The following DOCK3 variants were observed in gnomAD, a reference collection of about 807,000 sequenced individuals.
The protein encoded by DOCK3 is dedicator of cytokinesis 3.
DOCK3 carries 60 observed loss-of-function variants against 265.6 expected under a neutral mutation model. The observed-to-expected ratio is 0.23, with a 90% CI of 0.18 to 0.28. The LOEUF is 0.28. Ranked by LOEUF, DOCK3 falls within the 10% of genes least tolerant of loss-of-function variation. The pLI, the probability that DOCK3 is intolerant of heterozygous loss-of-function variation, is 1.00. For synonymous variants in DOCK3, 881 were observed against 938.0 expected, an observed-to-expected ratio of 0.94 and a Z score of 1.11; for missense variants, 1,981 against 2,594.3, an observed-to-expected ratio of 0.76 and a Z score of 5.14.
chr3:51,236,503 T>C (rs1041713642), intron 20 of DOCK3, 75 bp downstream of exon 20: 1 of 1,287,700 alleles, frequency 7.8e-7, no homozygotes, highest in Non-Finnish European at 1.1e-6. Flanking sequence ...AGGGAAGCAA[T>C]TTATTAGAGT....
intron 2 of DOCK3, among the ~76,000 whole-genome samples, chr3:50,814,733 T>C (rs1365938493): frequency 6.6e-6 from 1 of 152,230 alleles, no homozygotes; most frequent in Non-Finnish European, 1.5e-5. Context: ...AAGAATTATA[T>C]TTCAGAAGTC....
Position 51,159,231 on chromosome 3 carries a change from T to C in DOCK3, c.829-13T>C. On this transcript the variant is annotated splice_polypyrimidine_tract_variant and intron_variant, in intron 10 of 52. Transcript: ENST00000266037. ...TGTATTCCTTGCCTGAATTTACTTA[T>C]TTTTTCTCTTAGGATCTGAGCAGCA... The C allele has an allele frequency of 6.2e-7, 1 of 1,612,718 alleles. No homozygotes were observed. The highest frequency in any genetic ancestry group is 8.5e-7 in the Non-Finnish European group (1 of 1,179,078).
At chr3:51,230,914 T>G (rs912470999) in intron 19 of DOCK3, among the ~76,000 whole-genome samples, 7 of 143,978 alleles carry the variant, frequency 4.9e-5, no homozygotes, top group African/African-American at 1.8e-4. Context: ...AACATTTGAG[T>G]GCATGGGTCT....
chr3:50,924,702 C>T (rs2050671696), intron 4 of DOCK3, among the ~76,000 whole-genome samples: 2 of 152,146 alleles, frequency 1.3e-5, no homozygotes, highest in East Asian at 1.9e-4. Flanking sequence ...CCACTGCTAC[C>T]GGTCAGTTCT....
At chr3:50,744,827 C>T (rs909274219) in intron 1 of DOCK3, among the ~76,000 whole-genome samples, 1 of 152,316 alleles carries the variant, frequency 6.6e-6, no homozygotes, top group Admixed American at 6.5e-5. Context: ...ATTTGCTGAA[C>T]AGTCTGCCCT....
intron 5 of DOCK3, among the ~76,000 whole-genome samples, chr3:50,982,700 C>T (rs556009448): frequency 3.9e-5 from 6 of 152,202 alleles, no homozygotes; most frequent in Non-Finnish European, 7.3e-5. Flanking sequence ...GGAGCTCCAC[C>T]AGAGCCCACT....
chr3:50,933,952 G>T, intron 4 of DOCK3, 29 bp from the exon 5 acceptor site: 1 of 1,477,120 alleles, frequency 6.8e-7, no homozygotes, highest in African/African-American at 1.4e-5. Flanking sequence ...CAGAGATAAT[G>T]TGGCTGTCTT....
At chr3:50,901,586 A>T (rs1022176656) in intron 4 of DOCK3, 29 of 451,202 alleles carry the variant, frequency 6.4e-5, no homozygotes, top group African/African-American at 4.8e-4. Flanking sequence ...CTTGAAACCC[A>T]GGTCCCTGGT....
At chr3:51,267,199 A>G (rs895512328) in intron 23 of DOCK3, among the ~76,000 whole-genome samples, 1 of 152,144 alleles carries the variant, frequency 6.6e-6, no homozygotes, top group Non-Finnish European at 1.5e-5. Context: ...GAGAAATAGG[A>G]ATGCTTTTAC....
At chr3:50,756,975 C>G (rs1559598987) in intron 1 of DOCK3, among the ~76,000 whole-genome samples, 1 of 151,970 alleles carries the variant, frequency 6.6e-6, no homozygotes, top group Non-Finnish European at 1.5e-5. Context: ...GTCCTCCCGT[C>G]TCAGCCTTCC....
chr3:50,930,496 C>A (rs1327887785), intron 4 of DOCK3, among the ~76,000 whole-genome samples: 5 of 152,308 alleles, frequency 3.3e-5, no homozygotes. Flanking sequence ...CTGCTCCTGG[C>A]CCCCTGGAGC....
At chr3:50,815,674 G>C (rs2044032836) in intron 2 of DOCK3, among the ~76,000 whole-genome samples, 1 of 151,608 alleles carries the variant, frequency 6.6e-6, no homozygotes, top group South Asian at 2.1e-4. Flanking sequence ...TTGCTCTCAT[G>C]CTTTATTGAT....
intron 2 of DOCK3, among the ~76,000 whole-genome samples, chr3:50,829,944 TGAA>T (rs905259526): frequency 2.6e-5 from 4 of 152,326 alleles, no homozygotes; most frequent in East Asian, 1.9e-4. Context: ...AGCTCACAAA[TGAA>T]GATTTAATAT....
chr3:51,363,714 C>T (rs992645616), intron 49 of DOCK3, among the ~76,000 whole-genome samples: 2 of 152,162 alleles, frequency 1.3e-5, no homozygotes, highest in Admixed American at 6.5e-5. Context: ...TCAGTTCTCA[C>T]CTATGAGTGA....
chr3:51,291,674 G>A (rs2081782876), intron 27 of DOCK3, among the ~76,000 whole-genome samples: 1 of 152,156 alleles, frequency 6.6e-6, no homozygotes, highest in South Asian at 2.1e-4. Context: ...GACATTTACA[G>A]ACAAACTAAT....
At chr3:51,015,383 G>C (rs1051413326) in intron 5 of DOCK3, among the ~76,000 whole-genome samples, 9 of 151,804 alleles carry the variant, frequency 5.9e-5, no homozygotes, top group African/African-American at 1.7e-4. Flanking sequence ...AGCATCAGTT[G>C]ATCATATGGT....
rs1293108897 is a variant in DOCK3 at position 51,340,468 on chromosome 3, T to G, written c.3767-769T>G. On this transcript the variant is annotated intron_variant, in intron 37 of 52. Coordinates refer to ENST00000266037, the MANE Select transcript of DOCK3 (RefSeq NM_004947.5). ...AGCCTAAAGAGTGGACACAGGCAAGTGGGCCTAGCTAAAACTGGAAGTGGG... is the reference window on the plus strand; with the variant it reads ...AGCCTAAAGAGTGGACACAGGCAAGGGGGCCTAGCTAAAACTGGAAGTGGG... Among the ~76,000 whole-genome samples the G allele has an allele frequency of 2.0e-5, 3 of 152,144 alleles. No individual in the cohort carries two copies. In the East Asian group the frequency reaches 5.8e-4, roughly 29 times the overall value.
intron 3 of DOCK3, among the ~76,000 whole-genome samples, chr3:50,853,513 G>A (rs1363383116): frequency 6.6e-6 from 1 of 151,908 alleles, no homozygotes; most frequent in Non-Finnish European, 1.5e-5. Context: ...CCATCTTCAT[G>A]TTACGTGTAC....
intron 1 of DOCK3, among the ~76,000 whole-genome samples, chr3:50,733,393 TGTTAAGATGC>T (rs2038341112): frequency 6.6e-6 from 1 of 152,228 alleles, no homozygotes; most frequent in Non-Finnish European, 1.5e-5. Context: ...TTGCTTTATG[TGTTAAGATGC>T]TCTGTTAGAT....
Sources: allele counts gnomAD v4.1 joint callset (sites outside exome capture counted in the v4.1 genomes callset), GRCh38; gene constraint gnomAD v4.1.1; transcripts MANE v1.5; gene names NCBI Gene and HGNC (gene_info 2026-07-23, HGNC 2026-07-21).